The following ABI3BP variants were observed in gnomAD, a reference collection of about 807,000 sequenced individuals.
ABI3BP encodes the protein target of Nesh-SH3.
ABI3BP carries 216 observed loss-of-function variants against 268.6 expected under a neutral mutation model. That is an observed-to-expected ratio of 0.80 (90% CI 0.72 to 0.90). The LOEUF (loss-of-function observed/expected upper bound fraction) is 0.90. ABI3BP is among the 40% of genes least tolerant of loss of function. ABI3BP has a pLI of 0.00. For missense variants in ABI3BP, 2,090 were observed against 2,182.4 expected (o/e 0.96, Z 0.84); for synonymous variants, 730 against 730.0 (o/e 1.00, Z 0.00).
chr3:100,892,074 T>G (rs1476257057), intron 4 of ABI3BP, among the ~76,000 whole-genome samples: 1 of 152,244 alleles, frequency 6.6e-6, no homozygotes, highest in Non-Finnish European at 1.5e-5. Flanking sequence ...ACACCTCATT[T>G]CATGAGCATG....
At chr3:100,875,612 T>C (rs2099154115) in intron 7 of ABI3BP, 33 bp from the exon 8 acceptor site, 4 of 1,506,318 alleles carry the variant, frequency 2.7e-6, no homozygotes, top group East Asian at 4.5e-5. Context: ...TGTGAGGGGG[T>C]GGGAAATAGG....
At chr3:100,831,645 C>T (rs565072386) in intron 31 of ABI3BP, among the ~76,000 whole-genome samples, 3 of 152,210 alleles carry the variant, frequency 2.0e-5, no homozygotes, top group Admixed American at 1.3e-4. Context: ...AGGGTATCAA[C>T]GAGTTATCCT....
intron 9 of ABI3BP, among the ~76,000 whole-genome samples, chr3:100,873,657 CTTAT>C (rs1238141078): frequency 5.3e-5 from 8 of 152,114 alleles, no homozygotes; most frequent in Admixed American, 4.6e-4. Context: ...TGGGTTATAT[CTTAT>C]TTATCATTTC....
At chr3:100,796,114 T>C (rs1273675956) in intron 52 of ABI3BP, among the ~76,000 whole-genome samples, 1 of 152,060 alleles carries the variant, frequency 6.6e-6, no homozygotes, top group Non-Finnish European at 1.5e-5. Flanking sequence ...ACATCCATAG[T>C]TGTAATGTAG....
intron 24 of ABI3BP, 55 bp downstream of exon 24, chr3:100,839,514 G>A (rs917472349): frequency 1.3e-6 from 2 of 1,516,732 alleles, no homozygotes; most frequent in South Asian, 2.4e-5. Context: ...TGGAGAGTGG[G>A]GAAAGCAAAA....
Position 100,766,581 on chromosome 3 carries a change from T to A in ABI3BP, c.4742-632A>T, listed in dbSNP as rs147566558. Among the ~76,000 whole-genome samples the A allele has an allele frequency of 3.4e-3, 515 of 152,326 alleles. 5 individuals are homozygous for A. The highest frequency in any genetic ancestry group is 5.0e-3 in the Non-Finnish European group (337 of 68,030). On this transcript the variant is annotated intron_variant, in intron 62 of 67. Transcript: ENST00000471714. Reference sequence around the variant, plus strand: ...TATTTTCCTTGTATTGAAAAACAAATTAATGTCCTTAAAGTCTGCATAGAG... The same window carrying A: ...TATTTTCCTTGTATTGAAAAACAAAATAATGTCCTTAAAGTCTGCATAGAG...
intron 1 of ABI3BP, among the ~76,000 whole-genome samples, chr3:100,984,819 G>A (rs913772719): frequency 2.6e-5 from 4 of 151,982 alleles, no homozygotes; most frequent in Non-Finnish European, 2.9e-5. Flanking sequence ...CTGCACTTTC[G>A]GGGCCTTCCC....
chr3:100,967,778 C>T (rs574577789), intron 1 of ABI3BP, among the ~76,000 whole-genome samples: 12 of 152,152 alleles, frequency 7.9e-5, no homozygotes, highest in African/African-American at 2.6e-4. Flanking sequence ...CCCCAATGAA[C>T]ATTTTATAAA....
rs1472300531 is a variant in ABI3BP, at chr3:100,864,913, A to G, written c.989-6T>C. On this transcript the variant is annotated splice_polypyrimidine_tract_variant and splice_region_variant and intron_variant, in intron 10 of 67. Coordinates refer to ENST00000471714, the MANE Select transcript of ABI3BP (RefSeq NM_001375547.2). The stretch of plus-strand genomic sequence containing the variant: ...TGGAACTGTTTCAGGAGTCACTGAA[A>G]GGTAAAAAGCACAACTTTACAAATT... 2.5e-6 allele frequency: 4 copies of G among 1,598,152 alleles called. No homozygotes were observed. The highest frequency in any genetic ancestry group is 3.4e-6 in the Non-Finnish European group (4 of 1,172,450).
intron 14 of ABI3BP, among the ~76,000 whole-genome samples, chr3:100,859,634 T>G (rs562875863): frequency 6.6e-6 from 1 of 152,204 alleles, no homozygotes; most frequent in Non-Finnish European, 1.5e-5. Context: ...TACATAAATA[T>G]ACCACTCTTT....
chr3:100,987,502 C>A (rs1166375994), intron 1 of ABI3BP, among the ~76,000 whole-genome samples: 1 of 152,058 alleles, frequency 6.6e-6, no homozygotes, highest in Non-Finnish European at 1.5e-5. Flanking sequence ...TTTTTTTAAA[C>A]CTCAGGTTCT....
intron 34 of ABI3BP, among the ~76,000 whole-genome samples, chr3:100,827,499 T>C (rs142600693): frequency 1.3e-5 from 2 of 152,298 alleles, no homozygotes; most frequent in Admixed American, 6.5e-5. Flanking sequence ...ATATGTTCAA[T>C]GGAAGGTTTT....
At chr3:100,977,186 C>T (rs1012724711) in intron 1 of ABI3BP, among the ~76,000 whole-genome samples, 1 of 152,178 alleles carries the variant, frequency 6.6e-6, no homozygotes, top group Admixed American at 6.6e-5. Flanking sequence ...AGATTATTTA[C>T]ACTTCTCATT....
At chr3:100,782,067 T>G (rs2096882050) in intron 57 of ABI3BP, among the ~76,000 whole-genome samples, 1 of 152,214 alleles carries the variant, frequency 6.6e-6, no homozygotes, top group Admixed American at 6.5e-5. Flanking sequence ...AGTGAATACA[T>G]TCCCAGAGCC....
chr3:100,919,711 C>T (rs2059673741), intron 2 of ABI3BP, among the ~76,000 whole-genome samples: 1 of 152,216 alleles, frequency 6.6e-6, no homozygotes, highest in Non-Finnish European at 1.5e-5. Context: ...GCGTCATGCA[C>T]TTATTTTTAT....
chr3:100,830,102 CATACATACATATATAT>C (rs2098458740), intron 32 of ABI3BP, among the ~76,000 whole-genome samples: 4 of 56,226 alleles, frequency 7.1e-5, no homozygotes, highest in African/African-American at 3.3e-4. Flanking sequence ...TACATACATA[CATACATACATATATAT>C]ATATATATAT....
At chr3:100,895,566 AC>A (rs1193371076) in intron 4 of ABI3BP, among the ~76,000 whole-genome samples, 2 of 152,196 alleles carry the variant, frequency 1.3e-5, no homozygotes, top group African/African-American at 4.8e-5. Context: ...AAAATCAGAG[AC>A]TGTACAGAGG....
At position 100,914,448 on chromosome 3, in the gene ABI3BP, C is replaced by T. The variant is rs544728848; in HGVS notation, c.260-11762G>A. ...CTCACAAAAGTGCAGCCAGCCGTAC[C>T]ACAGAACAACAATGCAAAAATGACT... On this transcript the variant is annotated intron_variant, in intron 2 of 67. Transcript: ENST00000471714. The T allele has an allele frequency of 3.1e-5, 14 of 455,588 alleles. 1 individual carries two copies. Among genetic ancestry groups the T allele is most frequent in the South Asian group, 2.2e-4 (14 of 64,444 alleles). 28.2% of individuals were successfully genotyped at this position (455,588 alleles called of 1,614,324 possible).
chr3:100,775,432 A>T, intron 59 of ABI3BP, 97 bp from the exon 60 acceptor site: 1 of 1,493,504 alleles, frequency 6.7e-7, no homozygotes. Flanking sequence ...AGCACTGACC[A>T]TGTGGCTTGG....
Sources: gnomAD v4.1 joint callset for allele counts (sites outside exome capture counted in the v4.1 genomes callset) on GRCh38, gnomAD v4.1.1 for gene constraint, MANE v1.5 for transcripts, NCBI Gene and HGNC (gene_info 2026-07-23, HGNC 2026-07-21) for gene names.